The following SLC4A10 variants were observed in gnomAD, a reference collection of about 807,000 sequenced individuals.
SLC4A10 encodes solute carrier family 4 member 10, also known as sodium-driven chloride bicarbonate exchanger.
A neutral mutation model predicts 137.7 loss-of-function variants in SLC4A10; 42 were observed. That is an observed-to-expected ratio of 0.30 (90% CI 0.24 to 0.39). The LOEUF is 0.39. SLC4A10 is among the 10% of genes least tolerant of loss of function. The pLI is 1.00. For missense variants in SLC4A10, 925 were observed against 1,355.0 expected (o/e 0.68, Z 4.98); for synonymous variants, 474 against 464.1 (o/e 1.02, Z -0.27).
At chr2:161,816,433 T>G in intron 3 of SLC4A10, among the ~76,000 whole-genome samples, 1 of 152,090 alleles carries the variant, frequency 6.6e-6, no homozygotes, top group Non-Finnish European at 1.5e-5. Flanking sequence ...GAAGCAAGCA[T>G]CAATTTAACA....
intron 1 of SLC4A10, among the ~76,000 whole-genome samples, chr2:161,740,892 T>C (rs2047810980): frequency 6.6e-6 from 1 of 152,204 alleles, no homozygotes; most frequent in South Asian, 2.1e-4. Context: ...GATGTTTTAA[T>C]ATACATAGTG....
intron 1 of SLC4A10, among the ~76,000 whole-genome samples, chr2:161,662,998 C>T (rs940537016): frequency 2.6e-5 from 4 of 152,096 alleles, no homozygotes; most frequent in African/African-American, 7.2e-5. Flanking sequence ...GTGTATTGTC[C>T]ACCCCCCTTC....
intron 16 of SLC4A10, 137 bp from the exon 17 acceptor site, chr2:161,947,429 C>A: frequency 2.4e-6 from 2 of 820,228 alleles, no homozygotes; most frequent in Non-Finnish European, 3.6e-6. Context: ...TAATGTAATG[C>A]CTGCTAAATC....
At chr2:161,820,313 G>A (rs2057505057) in intron 3 of SLC4A10, among the ~76,000 whole-genome samples, 2 of 152,132 alleles carry the variant, frequency 1.3e-5, no homozygotes, top group South Asian at 4.1e-4. Context: ...TTTTACAAAT[G>A]TATTTTATTG....
At chr2:161,904,540 G>A (rs1435807849) in intron 13 of SLC4A10, among the ~76,000 whole-genome samples, 10 of 152,178 alleles carry the variant, frequency 6.6e-5, no homozygotes, top group Admixed American at 5.2e-4. Flanking sequence ...CCTTTTGTAA[G>A]GCAACAGAGA....
In SLC4A10 at chr2:161,873,897, C is replaced by T. The variant is rs1461880789; in HGVS notation, c.859-19C>T. 1.3e-6 allele frequency: 2 copies of T among 1,585,826 alleles called. No individual in the cohort carries two copies. Among genetic ancestry groups the T allele is most frequent in the Admixed American group, 1.7e-5 (1 of 58,416 alleles). On this transcript the variant is annotated intron_variant, in intron 7 of 26. Transcript: ENST00000446997. ...GGGAGCATGGTGTACCAGCTTAAGT[C>T]TGTTAATTATGCGTGCAGGGACTGG... is the stretch of plus-strand genomic sequence containing the variant.
At chr2:161,776,659 G>A (rs1233636857) in intron 2 of SLC4A10, among the ~76,000 whole-genome samples, 2 of 151,884 alleles carry the variant, frequency 1.3e-5, no homozygotes, top group Non-Finnish European at 2.9e-5. Context: ...GAACATAGAT[G>A]TGCAAATATC....
In SLC4A10 at chr2:161,907,055, CAAAAAAAAAAAAAAAA is replaced by C. The variant is rs556899761; in HGVS notation, c.1997+1179_1997+1194del. On this transcript the variant is annotated intron_variant, in intron 15 of 26. Transcript: ENST00000446997. ...TGGGCGACAGAGCGAGACTCCGTCTCAAAAAAAAAAAAAAAAAAAAAAAAAAGAATCACGAAATGAT... is the reference window on the plus strand; with the variant it reads ...TGGGCGACAGAGCGAGACTCCGTCTCAAAAAAAAAAGAATCACGAAATGAT... 7.4e-4 allele frequency among the ~76,000 whole-genome samples: 67 copies of C among 90,932 alleles called. 1 individual carries two copies. The highest frequency in any genetic ancestry group is 3.0e-3 in the Admixed American group (31 of 10,284). 59.7% of individuals were successfully genotyped at this position (90,932 alleles called of 152,430 possible).
At chr2:161,682,715 G>T (rs775468227) in intron 1 of SLC4A10, among the ~76,000 whole-genome samples, 2 of 152,076 alleles carry the variant, frequency 1.3e-5, no homozygotes, top group African/African-American at 4.8e-5. Flanking sequence ...GCTGGGGTCA[G>T]ATGAAAAGCT....
At chr2:161,780,187 A>G (rs2052844637) in intron 2 of SLC4A10, among the ~76,000 whole-genome samples, 1 of 152,092 alleles carries the variant, frequency 6.6e-6, no homozygotes. Context: ...TTATTTAATT[A>G]GATGACAAAA....
chr2:161,826,217 A>G (rs1236135042), intron 3 of SLC4A10, among the ~76,000 whole-genome samples: 1 of 152,180 alleles, frequency 6.6e-6, no homozygotes, highest in African/African-American at 2.4e-5. Context: ...GAACTACCAA[A>G]CTTGTCATAA....
chr2:161,898,141 C>G (rs1351191026), intron 11 of SLC4A10, among the ~76,000 whole-genome samples: 1 of 152,088 alleles, frequency 6.6e-6, no homozygotes, highest in African/African-American at 2.4e-5. Flanking sequence ...ATGTTTTAAC[C>G]TCTCTGTTGA....
At chr2:161,737,131 T>A (rs1030788736) in intron 1 of SLC4A10, among the ~76,000 whole-genome samples, 1 of 152,120 alleles carries the variant, frequency 6.6e-6, no homozygotes, top group Admixed American at 6.5e-5. Flanking sequence ...AGTGCTTTGA[T>A]CACAAGTGTG....
At chr2:161,790,145 T>C (rs772438027) in intron 2 of SLC4A10, among the ~76,000 whole-genome samples, 1 of 152,182 alleles carries the variant, frequency 6.6e-6, no homozygotes, top group Non-Finnish European at 1.5e-5. Context: ...AATATTCTAT[T>C]ATAAAGCAAT....
intron 23 of SLC4A10, among the ~76,000 whole-genome samples, chr2:161,969,723 G>A (rs1480327748): frequency 1.3e-5 from 2 of 152,068 alleles, no homozygotes; most frequent in Non-Finnish European, 2.9e-5. Context: ...CAAAAAGAGG[G>A]CAAATGGGAC....
At chr2:161,702,235 C>T (rs2043198078) in intron 1 of SLC4A10, among the ~76,000 whole-genome samples, 1 of 151,710 alleles carries the variant, frequency 6.6e-6, no homozygotes, top group Non-Finnish European at 1.5e-5. Context: ...AGAATAAAAT[C>T]CTGTCATTTG....
chr2:161,933,186 TCTTTCTTTCTTTCTTTCTTTC>T (rs1391581611), intron 15 of SLC4A10, among the ~76,000 whole-genome samples: 24 of 29,164 alleles, frequency 8.2e-4, no homozygotes, highest in East Asian at 9.6e-4. Context: ...TTCCTTCTTT[TCTTTCTTTCTTTCTTTCTTTC>T]TTTCTTTCTT....
At chr2:161,933,981 A>C (rs1218116594) in intron 15 of SLC4A10, among the ~76,000 whole-genome samples, 1 of 152,036 alleles carries the variant, frequency 6.6e-6, no homozygotes, top group East Asian at 1.9e-4. Context: ...CCTCGCCAAC[A>C]CTTGTTCAGA....
At chr2:161,689,261 T>A (rs746905299) in intron 1 of SLC4A10, among the ~76,000 whole-genome samples, 43 of 152,194 alleles carry the variant, frequency 2.8e-4, no homozygotes, top group Non-Finnish European at 8.8e-5. Flanking sequence ...AATTATGTCC[T>A]AGGCCTTCAC....
Sources: gnomAD v4.1 joint callset for allele counts (sites outside exome capture counted in the v4.1 genomes callset) on GRCh38, gnomAD v4.1.1 for gene constraint, MANE v1.5 for transcripts, NCBI Gene and HGNC (gene_info 2026-07-23, HGNC 2026-07-21) for gene names.